The following PTPRT variants were observed in gnomAD, a reference collection of about 807,000 sequenced individuals.
PTPRT encodes the protein receptor-type tyrosine-protein phosphatase T.
PTPRT carries 56 observed loss-of-function variants against 176.8 expected under a neutral mutation model. The ratio of observed to expected loss-of-function variants is 0.32; its 90% CI spans 0.26 to 0.40. PTPRT has a LOEUF of 0.40. Ranked by LOEUF, PTPRT falls within the 10% of genes least tolerant of loss-of-function variation. The probability of loss-of-function intolerance (pLI) is 1.00; values close to 1 mark genes in which losing one functional copy is unlikely to be tolerated. For synonymous variants in PTPRT, 783 were observed against 739.0 expected, an observed-to-expected ratio of 1.06 and a Z score of -0.96; for missense variants, 1,540 against 1,908.2, an observed-to-expected ratio of 0.81 and a Z score of 3.60.
the PTPRT span, among the ~76,000 whole-genome samples, chr20:42,050,928 C>A: frequency 6.6e-6 from 1 of 152,234 alleles, no homozygotes; most frequent in African/African-American, 2.4e-5. Context: ...ATGAAAATAG[C>A]CCTCCCTATT....
chr20:42,552,703 G>T (rs146915241), intron 7 of PTPRT, among the ~76,000 whole-genome samples: 47 of 152,160 alleles, frequency 3.1e-4, no homozygotes, highest in Non-Finnish European at 5.7e-4. Flanking sequence ...AACCAACCAA[G>T]ATTAATGCTG....
At chr20:42,389,413 T>C (rs1179375753) in intron 9 of PTPRT, among the ~76,000 whole-genome samples, 1 of 152,216 alleles carries the variant, frequency 6.6e-6, no homozygotes, top group Non-Finnish European at 1.5e-5. Context: ...ATTTGTATGA[T>C]TACTGCTATG....
At chr20:42,696,621 A>C (rs2075883592) in intron 6 of PTPRT, among the ~76,000 whole-genome samples, 1 of 151,764 alleles carries the variant, frequency 6.6e-6, no homozygotes, top group Non-Finnish European at 1.5e-5. Context: ...ACACCCGGCT[A>C]ATTTTTTGTA....
intron 2 of PTPRT, among the ~76,000 whole-genome samples, chr20:42,879,165 A>T (rs534741363): frequency 1.1e-4 from 17 of 152,210 alleles, no homozygotes; most frequent in Non-Finnish European, 2.4e-4. Context: ...AGTTTCCTAG[A>T]ACTGCTATTA....
intron 1 of PTPRT, among the ~76,000 whole-genome samples, chr20:43,173,534 G>A (rs2015054234): frequency 6.6e-6 from 1 of 152,206 alleles, no homozygotes; most frequent in Non-Finnish European, 1.5e-5. Flanking sequence ...AATCCACAAG[G>A]TGGTTGTCCT....
intron 1 of PTPRT, among the ~76,000 whole-genome samples, chr20:42,941,628 C>T (rs551714844): frequency 1.0e-3 from 154 of 152,238 alleles, no homozygotes; most frequent in African/African-American, 3.3e-3. Context: ...ATGTTTGTAC[C>T]CTCCCGTCCT....
chr20:42,162,550 C>G (rs1253049764), intron 16 of PTPRT, among the ~76,000 whole-genome samples: 1 of 152,192 alleles, frequency 6.6e-6, no homozygotes, highest in Non-Finnish European at 1.5e-5. Flanking sequence ...CCAGAACCAT[C>G]TAGGCTTGGT....
intron 18 of PTPRT, among the ~76,000 whole-genome samples, chr20:42,137,140 G>A (rs1988415905): frequency 6.6e-6 from 1 of 152,192 alleles, no homozygotes; most frequent in Admixed American, 6.5e-5. Context: ...GAGTGTTTGG[G>A]GATATGGCAG....
At chr20:42,281,304 G>A (rs184965267) in intron 13 of PTPRT, among the ~76,000 whole-genome samples, 183 of 152,252 alleles carry the variant, frequency 1.2e-3, no homozygotes, top group African/African-American at 4.0e-3. Flanking sequence ...GAGGGAACAA[G>A]TTAGGGACAT....
At chr20:42,754,011 G>C (rs753631576) in intron 6 of PTPRT, among the ~76,000 whole-genome samples, 1 of 152,040 alleles carries the variant, frequency 6.6e-6, no homozygotes, top group Non-Finnish European at 1.5e-5. Context: ...ATGAGGAGCG[G>C]GAATGAACAC....
chr20:42,893,562 G>A (rs572177970), intron 1 of PTPRT, among the ~76,000 whole-genome samples: 49 of 151,910 alleles, frequency 3.2e-4, no homozygotes, highest in African/African-American at 6.0e-4. Flanking sequence ...ACATGCACAC[G>A]TATGTTTATT....
intron 16 of PTPRT, among the ~76,000 whole-genome samples, chr20:42,164,015 C>T (rs1989720358): frequency 6.6e-6 from 1 of 152,206 alleles, no homozygotes; most frequent in Non-Finnish European, 1.5e-5. Flanking sequence ...AGAGATGGTA[C>T]AAAGCTATGG....
chr20:43,032,491 A>AAC lies in PTPRT; in HGVS notation c.89-146560_89-146559insGT, dbSNP rs1555820774. The stretch of plus-strand genomic sequence containing the variant: ...TTTTCATTAAAAAAAAAAAAAAAAA[A>AAC]CAGTGGCAAATAAACCTAATTAATC... On this transcript the variant is annotated intron_variant, in intron 1 of 30. Coordinates refer to ENST00000373187, the MANE Select transcript of PTPRT (RefSeq NM_007050.6). Among the ~76,000 whole-genome samples the AAC allele has an allele frequency of 1.1e-4, 16 of 144,700 alleles. No homozygotes were observed. The East Asian group carries it at 3.1e-3, about 28-fold the overall frequency. 94.9% of individuals were successfully genotyped at this position (144,700 alleles called of 152,430 possible).
At chr20:42,218,240 G>A (rs1170909277) in intron 15 of PTPRT, among the ~76,000 whole-genome samples, 1 of 152,118 alleles carries the variant, frequency 6.6e-6, no homozygotes, top group African/African-American at 2.4e-5. Flanking sequence ...AATGCTAACT[G>A]GATTACATTA....
At chr20:42,600,011 A>G (rs1436998095) in intron 7 of PTPRT, among the ~76,000 whole-genome samples, 1 of 152,128 alleles carries the variant, frequency 6.6e-6, no homozygotes, top group Non-Finnish European at 1.5e-5. Context: ...GCCCTTCCAG[A>G]TGTAACCTAA....
chr20:42,340,348 C>T (rs2058094930), intron 11 of PTPRT, among the ~76,000 whole-genome samples: 1 of 152,252 alleles, frequency 6.6e-6, no homozygotes, highest in Admixed American at 6.5e-5. Flanking sequence ...TCTTCGTAAG[C>T]CTATACCTAA....
chr20:42,401,050 G>A (rs2058901442), intron 9 of PTPRT, among the ~76,000 whole-genome samples: 2 of 151,856 alleles, frequency 1.3e-5, no homozygotes, highest in African/African-American at 4.8e-5. Context: ...ACCAGGACAG[G>A]AACACAGGAG....
chr20:42,456,478 AT>A (rs1486622887), intron 8 of PTPRT, among the ~76,000 whole-genome samples: 1 of 152,006 alleles, frequency 6.6e-6, no homozygotes, highest in Non-Finnish European at 1.5e-5. Flanking sequence ...TTTGAGTATG[AT>A]GTTTGTAGGT....
intron 7 of PTPRT, among the ~76,000 whole-genome samples, chr20:42,671,925 G>C (rs1666910239): frequency 6.6e-6 from 1 of 152,212 alleles, no homozygotes; most frequent in South Asian, 2.1e-4. Context: ...TAGTCCGCAT[G>C]GAAGAGGCAG....
Sources: allele counts gnomAD v4.1 joint callset (sites outside exome capture counted in the v4.1 genomes callset), GRCh38; gene constraint gnomAD v4.1.1; transcripts MANE v1.5; gene names NCBI Gene and HGNC (gene_info 2026-07-23, HGNC 2026-07-21).